Variants in PPT1 observed in about 807,000 individuals in gnomAD.
The protein encoded by PPT1 is palmitoyl-protein thioesterase 1, also known as ceroid-palmitoyl-palmitoyl-protein thioesterase 1.
Under a neutral mutation model 44.0 loss-of-function variants are expected in PPT1, and 24 were observed. That is an observed-to-expected ratio of 0.54 (90% CI 0.39 to 0.77). The LOEUF is 0.77. Ranked by LOEUF, PPT1 falls within the 30% of genes least tolerant of loss-of-function variation. The pLI is 0.00. For synonymous variants in PPT1, 148 were observed against 140.2 expected (o/e 1.06, Z -0.39); for missense variants, 341 against 378.8 (o/e 0.90, Z 0.83).
At chr1:40,084,628 C>T (rs769945104) in intron 5 of PPT1, among the ~76,000 whole-genome samples, 23 of 152,126 alleles carry the variant, frequency 1.5e-4, no homozygotes, top group Non-Finnish European at 3.1e-4. Context: ...TGAGCTGTTC[C>T]GGTATAATAA....
chr1:40,093,982 C>A, intron 1 of PPT1: 1 of 716,172 alleles, frequency 1.4e-6, no homozygotes, highest in South Asian at 1.5e-5. Context: ...TGCTTGAGGC[C>A]AAGAGTTCGA....
chr1:40,081,047 C>T (rs941026624), intron 5 of PPT1, among the ~76,000 whole-genome samples: 1 of 152,340 alleles, frequency 6.6e-6, no homozygotes, highest in South Asian at 2.1e-4. Context: ...TCAATATTTG[C>T]TTCTCCTGTG....
intron 7 of PPT1, among the ~76,000 whole-genome samples, chr1:40,077,652 G>T (rs1009427375): frequency 2.6e-5 from 4 of 152,196 alleles, no homozygotes; most frequent in African/African-American, 9.6e-5. Flanking sequence ...GTGACATAAC[G>T]TGATGAGTGT....
chr1:40,091,658 G>A (rs1649568912), intron 3 of PPT1, among the ~76,000 whole-genome samples: 1 of 152,166 alleles, frequency 6.6e-6, no homozygotes, highest in African/African-American at 2.4e-5. Flanking sequence ...GAGGTCAGGA[G>A]TTCGAGACCA....
chr1:40,091,662 G>A (rs1161909606), intron 3 of PPT1, among the ~76,000 whole-genome samples: 2 of 152,006 alleles, frequency 1.3e-5, no homozygotes, highest in African/African-American at 4.8e-5. Context: ...TCAGGAGTTC[G>A]AGACCAGCCT....
chr1:40,082,422 C>CA (rs34092208), intron 5 of PPT1: 82,498 of 146,166 alleles, frequency 0.56, 24,479 homozygotes, highest in Non-Finnish European at 0.68. Flanking sequence ...TTATAGAATG[C>CA]AAAAAAAAAA....
At chr1:40,072,391 G>A, downstream of PPT1, 1 of 266,780 alleles carries the variant, frequency 3.7e-6, no homozygotes, top group Non-Finnish European at 7.0e-6. Flanking sequence ...TTCTGTCTAA[G>A]CACCTGAACA....
intron 8 of PPT1, among the ~76,000 whole-genome samples, chr1:40,074,713 C>T (rs1648521462): frequency 6.6e-6 from 1 of 152,022 alleles, no homozygotes; most frequent in Non-Finnish European, 1.5e-5. Context: ...AGGTGATCCA[C>T]GTGCCTCGGC....
chr1:40,076,829 C>T lies in PPT1; in HGVS notation c.798+13G>A. 1 of 1,614,108 alleles carries T rather than the reference C, an allele frequency of 6.2e-7. No individual in the cohort carries two copies. The highest frequency in any genetic ancestry group is 8.5e-7 in the Non-Finnish European group (1 of 1,179,978). The stretch of plus-strand genomic sequence containing the variant: ...AAACACCAACCTCCCAAGATAGACT[C>T]CCTGCCAGTTACCTGTGTGTACAGG... On this transcript the variant is annotated intron_variant, in intron 8 of 8. Transcript: ENST00000642050.
intron 6 of PPT1, among the ~76,000 whole-genome samples, chr1:40,079,604 C>T (rs2124473618): frequency 6.6e-6 from 1 of 152,170 alleles, no homozygotes; most frequent in South Asian, 2.1e-4. Flanking sequence ...CTATGCTGGC[C>T]AGGCTGGTCT....
At chr1:40,078,920 GT>G in intron 6 of PPT1, 3 of 439,674 alleles carry the variant, frequency 6.8e-6, no homozygotes, top group South Asian at 5.4e-5. Flanking sequence ...TGATGCTGAG[GT>G]TTGGGGTTCT....
At chr1:40,090,849 A>G (rs112316015) in intron 4 of PPT1, among the ~76,000 whole-genome samples, 1 of 152,140 alleles carries the variant, frequency 6.6e-6, no homozygotes, top group East Asian at 1.9e-4. Context: ...ACCCATCAAC[A>G]ACAGAGATGA....
chr1:40,092,905 G>A (rs534958295), intron 1 of PPT1, among the ~76,000 whole-genome samples: 13 of 152,190 alleles, frequency 8.5e-5, no homozygotes, highest in Admixed American at 6.5e-5. Flanking sequence ...AGAAAAATGG[G>A]ACCCCTTGGA....
At chr1:40,077,674 C>T (rs997981036) in intron 7 of PPT1, among the ~76,000 whole-genome samples, 2 of 152,104 alleles carry the variant, frequency 1.3e-5, no homozygotes, top group African/African-American at 4.8e-5. Context: ...TTAACAGAGG[C>T]TGATGATTCT....
intron 5 of PPT1, among the ~76,000 whole-genome samples, chr1:40,081,561 AATAAATAG>A (rs1310868741): frequency 8.0e-5 from 7 of 87,620 alleles, no homozygotes; most frequent in East Asian, 3.6e-4. Flanking sequence ...TAAATAAATA[AATAAATAG>A]AAAATAAAAT....
chr1:40,090,903 C>T (rs1649530024), intron 4 of PPT1, among the ~76,000 whole-genome samples: 1 of 152,210 alleles, frequency 6.6e-6, no homozygotes, highest in African/African-American at 2.4e-5. Flanking sequence ...GTATGGAATT[C>T]CGTCAAAATA....
At chr1:40,087,876 T>C (rs540511520) in intron 5 of PPT1, among the ~76,000 whole-genome samples, 2 of 152,196 alleles carry the variant, frequency 1.3e-5, no homozygotes, top group African/African-American at 2.4e-5. Context: ...TAGTTTTCTA[T>C]AATAACCATC....
intron 7 of PPT1, among the ~76,000 whole-genome samples, chr1:40,077,740 G>T (rs1314805160): frequency 1.3e-5 from 2 of 152,104 alleles, no homozygotes; most frequent in Non-Finnish European, 2.9e-5. Context: ...CTTGACAGAC[G>T]AATAGAAATT....
chr1:40,080,805 C>T (rs573057699), intron 5 of PPT1, among the ~76,000 whole-genome samples: 2 of 152,250 alleles, frequency 1.3e-5, no homozygotes, highest in East Asian at 1.9e-4. Flanking sequence ...ACCCCGGCGG[C>T]AGAGGTTGCA....
Sources: allele counts gnomAD v4.1 joint callset (sites outside exome capture counted in the v4.1 genomes callset), GRCh38; gene constraint gnomAD v4.1.1; transcripts MANE v1.5; gene names NCBI Gene and HGNC (gene_info 2026-07-23, HGNC 2026-07-21).